Variants in IGF1R observed in about 807,000 individuals in gnomAD.
IGF1R encodes insulin like growth factor 1 receptor.
In IGF1R, 44 loss-of-function variants were observed where a neutral mutation model predicts 144.6. The ratio of observed to expected loss-of-function variants is 0.30; its 90% CI spans 0.24 to 0.39. The LOEUF is 0.39. IGF1R is among the 10% of genes least tolerant of loss of function. The pLI, the probability that IGF1R is intolerant of heterozygous loss-of-function variation, is 1.00. For synonymous variants in IGF1R, 795 were observed against 722.8 expected, an observed-to-expected ratio of 1.10 and a Z score of -1.60; for missense variants, 1,355 against 1,833.7, an observed-to-expected ratio of 0.74 and a Z score of 4.77.
In IGF1R at chr15:98,924,665, C is replaced by T. The variant is rs989797807; in HGVS notation, c.2763C>T (p.Phe921=). ...ATGGGTCGTGGACAGATCCTGTGTT[C>T]TTCTATGTCCAGGCCAAAAGTAAGG... ...SGNGSWTDPV[F]FYVQAKTGYE... The change falls in exon 13 of 21, where the codon TTC becomes TTT. Residue 921 remains phenylalanine (F), a synonymous_variant. Transcript: ENST00000650285. 1.5e-5 allele frequency: 25 copies of T among 1,613,984 alleles called. No individual in the cohort carries two copies. Among genetic ancestry groups the T allele is most frequent in the African/African-American group, 2.7e-5 (2 of 74,906 alleles).
chr15:98,961,241 T>C lies in IGF1R; in HGVS notation c.*3799T>C, dbSNP rs1325035510. 5.1e-5 allele frequency: 12 copies of C among 233,584 alleles called. No homozygotes were observed. The highest frequency in any genetic ancestry group is 5.9e-5 in the Non-Finnish European group (7 of 118,002). The allele number at this position is 233,584 out of a possible 1,614,324, so 14.5% of individuals were successfully genotyped here. ...CCTCTCGTGCACATACCTACCGGTT[T>C]CCACAACTGGATTTCTACAGATCAT... On this transcript the variant is annotated 3_prime_UTR_variant, in exon 21 of 21. Transcript: ENST00000650285.
At chr15:98,916,628 G>A (rs764610636) in intron 9 of IGF1R, 44 bp from the exon 10 acceptor site, 31 of 1,519,446 alleles carry the variant, frequency 2.0e-5, no homozygotes, top group South Asian at 5.6e-5. Flanking sequence ...CATGTATAAC[G>A]GCTTTCATTC....
intron 20 of IGF1R, among the ~76,000 whole-genome samples, chr15:98,952,636 A>G (rs2016824004): frequency 6.6e-6 from 1 of 152,144 alleles, no homozygotes; most frequent in African/African-American, 2.4e-5. Context: ...GTAAACGTTT[A>G]TCTACAAGAG....
chr15:98,852,125 A>G (rs1162212014), intron 2 of IGF1R, among the ~76,000 whole-genome samples: 1 of 152,260 alleles, frequency 6.6e-6, no homozygotes, highest in Non-Finnish European at 1.5e-5. Context: ...GACGAAGAAG[A>G]GGAGCCGAAT....
chr15:98,858,062 C>T (rs1449602049), intron 2 of IGF1R, among the ~76,000 whole-genome samples: 1 of 152,148 alleles, frequency 6.6e-6, no homozygotes, highest in African/African-American at 2.4e-5. Flanking sequence ...TGAGTATCAG[C>T]GGATTCAAGC....
In IGF1R at chr15:98,838,473, C is replaced by G. The variant is rs577911899; in HGVS notation, c.641-52852C>G. On this transcript the variant is annotated intron_variant, in intron 2 of 20. Transcript: ENST00000650285. ...ATTGATAGTTAGGGAATGCTGTTTG[C>G]TTTCTTGAATTTTGAACCTGTTATT... Among the ~76,000 whole-genome samples the G allele has an allele frequency of 2.6e-5, 4 of 152,302 alleles. No individual in the cohort carries two copies. The South Asian group carries it at 8.3e-4, about 32-fold the overall frequency.
intron 2 of IGF1R, among the ~76,000 whole-genome samples, chr15:98,823,495 A>C (rs1481336052): frequency 6.6e-6 from 1 of 152,236 alleles, no homozygotes; most frequent in Non-Finnish European, 1.5e-5. Context: ...CATCTTAACA[A>C]GTTAGTACCT....
At chr15:98,739,964 A>C (rs1342453657) in intron 2 of IGF1R, among the ~76,000 whole-genome samples, 2 of 152,206 alleles carry the variant, frequency 1.3e-5, no homozygotes, top group Non-Finnish European at 2.9e-5. Flanking sequence ...TACCCAGTGT[A>C]GGTCTTAGTC....
chr15:98,667,620 C>G (rs1001994739), intron 1 of IGF1R, among the ~76,000 whole-genome samples: 1 of 151,954 alleles, frequency 6.6e-6, no homozygotes, highest in Non-Finnish European at 1.5e-5. Context: ...TAACCAGGCG[C>G]CAGGGCTCAG....
intron 20 of IGF1R, among the ~76,000 whole-genome samples, chr15:98,955,013 T>C (rs2016924029): frequency 6.6e-6 from 1 of 152,338 alleles, no homozygotes; most frequent in African/African-American, 2.4e-5. Context: ...AGTCATTCTG[T>C]TGCGCAGAGA....
At chr15:98,896,724 TG>T (rs770822136) in intron 3 of IGF1R, 32 bp from the exon 4 acceptor site, 9 of 1,608,120 alleles carry the variant, frequency 5.6e-6, no homozygotes, top group Non-Finnish European at 7.7e-6. Context: ...CTCAATTATG[TG>T]TGTTTTTGAT....
intron 2 of IGF1R, among the ~76,000 whole-genome samples, chr15:98,833,764 A>C (rs1288126475): frequency 1.3e-5 from 2 of 152,254 alleles, no homozygotes; most frequent in Admixed American, 6.5e-5. Context: ...AAAAAAGAAA[A>C]ATCTTAAAAG....
chr15:98,700,418 G>A (rs915498108), intron 1 of IGF1R, among the ~76,000 whole-genome samples: 2 of 152,282 alleles, frequency 1.3e-5, no homozygotes, highest in East Asian at 1.9e-4. Context: ...GTGACAGGTG[G>A]TGTGGTGGGT....
chr15:98,697,617 C>T (rs951098450), intron 1 of IGF1R, among the ~76,000 whole-genome samples: 2 of 151,986 alleles, frequency 1.3e-5, no homozygotes, highest in African/African-American at 4.8e-5. Context: ...CCTTGGTTCT[C>T]GGTGGTGGAC....
intron 2 of IGF1R, among the ~76,000 whole-genome samples, chr15:98,773,508 A>C (rs2055642058): frequency 2.0e-5 from 3 of 152,184 alleles, no homozygotes; most frequent in Non-Finnish European, 4.4e-5. Flanking sequence ...TACTTGAGCC[A>C]TGGGGTGCCT....
intron 9 of IGF1R, 105 bp from the exon 10 acceptor site, chr15:98,916,567 C>T (rs2015260166): frequency 1.1e-5 from 12 of 1,045,390 alleles, no homozygotes; most frequent in Non-Finnish European, 1.8e-5. Context: ...TGGCCGAGAC[C>T]AGCTATCTTC....
At position 98,896,742 on chromosome 15, in the gene IGF1R, T is replaced by C. The variant is rs2014218507; in HGVS notation, c.954-15T>C. On this transcript the variant is annotated splice_polypyrimidine_tract_variant and intron_variant, in intron 3 of 20. Coordinates refer to ENST00000650285, the MANE Select transcript of IGF1R (RefSeq NM_000875.5). ...AATTATGTGTGTTTTTGATTTTTTT[T>C]TTCTTCTTCAACAGCATGTACTGCA... 2.5e-6 allele frequency: 4 copies of C among 1,613,774 alleles called. No homozygotes were observed. Among genetic ancestry groups the C allele is most frequent in the Non-Finnish European group, 3.4e-6 (4 of 1,179,880 alleles).
chr15:98,737,389 A>G lies in IGF1R; in HGVS notation c.640+29282A>G, dbSNP rs115672982. Among the ~76,000 whole-genome samples the G allele has an allele frequency of 7.1e-3, 1,083 of 152,202 alleles. 14 individuals carry two copies. Among genetic ancestry groups the G allele is most frequent in the African/African-American group, 0.024 (1,016 of 41,520 alleles). ...GATTAGGAACCGAGCGAGGATTTGG[A>G]ACCCTTGCGTTTGTTCTGCCAAGAA... On this transcript the variant is annotated intron_variant, in intron 2 of 20. Coordinates refer to ENST00000650285, the MANE Select transcript of IGF1R (RefSeq NM_000875.5).
Position 98,960,766 on chromosome 15 carries a change from C to T in IGF1R, c.*3324C>T, listed in dbSNP as rs964021015. ...CTCACAGCCAGTCCCTGATAGAACA[C>T]ACGCAGGAGCAGAGTCCCCTCCCCC... On this transcript the variant is annotated 3_prime_UTR_variant, in exon 21 of 21. Transcript: ENST00000650285. 2.1e-5 allele frequency: 5 copies of T among 233,612 alleles called. No individual in the cohort carries two copies. Among genetic ancestry groups the T allele is most frequent in the African/African-American group, 4.4e-5 (2 of 45,354 alleles). The allele number at this position is 233,612 out of a possible 1,614,324, so 14.5% of individuals were successfully genotyped here. A position where few individuals can be genotyped will look rare whatever the true frequency, so the allele number is the denominator to read the frequency against.
Sources: allele counts gnomAD v4.1 joint callset (sites outside exome capture counted in the v4.1 genomes callset), GRCh38; gene constraint gnomAD v4.1.1; transcripts MANE v1.5; gene names NCBI Gene and HGNC (gene_info 2026-07-23, HGNC 2026-07-21).